ACIN1: variants seen among roughly 807,000 people sequenced by gnomAD.
ACIN1 encodes apoptotic chromatin condensation inducer 1.
A neutral mutation model predicts 146.6 loss-of-function variants in ACIN1; 16 were observed. The observed-to-expected ratio is 0.11, with a 90% CI of 0.07 to 0.17. The LOEUF (loss-of-function observed/expected upper bound fraction) is 0.17, where lower values mean the gene tolerates loss of function less well. Ranked by LOEUF, ACIN1 falls within the 10% of genes least tolerant of loss-of-function variation. The pLI, the probability that ACIN1 is intolerant of heterozygous loss-of-function variation, is 1.00. For missense variants in ACIN1, 1,357 were observed against 1,609.3 expected (o/e 0.84, Z 2.68); for synonymous variants, 569 against 582.7 (o/e 0.98, Z 0.34).
At chr14:23,069,137 G>A in intron 9 of ACIN1, 16 of 1,023,814 alleles carry the variant, frequency 1.6e-5, no homozygotes, top group Non-Finnish European at 1.9e-5. Context: ...GAAAGCTAAA[G>A]GAGTTACCAC....
chr14:23,061,071 G>C lies in ACIN1; in HGVS notation c.3525+13C>G, dbSNP rs373980875. The stretch of plus-strand genomic sequence containing the variant: ...GTGCCACTAGGGAGCAGGGCACGAA[G>C]AAGAGCACTCACCTGGCTGTCAGTC... On this transcript the variant is annotated intron_variant, in intron 18 of 18. Coordinates refer to ENST00000605057, the MANE Select transcript of ACIN1 (RefSeq NM_001386863.1). The C allele has an allele frequency of 3.1e-6, 5 of 1,613,118 alleles. No individual in the cohort carries two copies. In the East Asian group the frequency reaches 1.1e-4, roughly 36 times the overall value.
rs370726371 is a variant in ACIN1, at chr14:23,079,071, T to C, written c.1789-33A>G. The C allele has an allele frequency of 6.3e-5, 100 of 1,589,448 alleles. 1 individual carries two copies. Among genetic ancestry groups the C allele is most frequent in the Middle Eastern group, 1.7e-4 (1 of 5,992 alleles). ...AAAATGAAACACATAACAAGGAAAATTATTGTATATGGTATATATTCAGTA... is the reference window on the plus strand; with the variant it reads ...AAAATGAAACACATAACAAGGAAAACTATTGTATATGGTATATATTCAGTA... On this transcript the variant is annotated intron_variant, in intron 6 of 18. Coordinates refer to ENST00000605057, the MANE Select transcript of ACIN1 (RefSeq NM_001386863.1).
intron 8 of ACIN1, chr14:23,071,436 C>T (rs776933649): frequency 3.9e-5 from 60 of 1,551,664 alleles, no homozygotes; most frequent in Admixed American, 3.1e-4. Context: ...CGGCAAACCC[C>T]GAGTTCGGCT....
rs2140016344 is a variant in ACIN1 at position 23,064,120 on chromosome 14, G to A, written c.2580C>T (p.Cys860=). Residue 860 remains cysteine (C), a synonymous_variant, in exon 12 of 19, where the codon TGC becomes TGT. Transcript: ENST00000605057. ...DGTHDKGLKI[C]RTVTQVVPAE... is the part of the protein sequence containing the mutation. ...GAAGCCTTACCTGAGTGACTGTCCG[G>A]CATATTTTCAGCCCCTTGTCATGGG... 5 of 1,614,040 alleles carry A rather than the reference G, an allele frequency of 3.1e-6. No homozygotes were observed. Among genetic ancestry groups the A allele is most frequent in the Non-Finnish European group, 3.4e-6 (4 of 1,180,032 alleles).
At chr14:23,095,456 A>T (rs1312417394), upstream of ACIN1, 3 of 972,038 alleles carry the variant, frequency 3.1e-6, no homozygotes, top group Non-Finnish European at 4.4e-6. Context: ...CCTAGAGATG[A>T]GGCGCTGGGG....
chr14:23,079,760 TGAG>T lies in ACIN1; in HGVS notation c.1572_1574del (p.Ser531del), dbSNP rs751367387. ...TTGATCTAGAACTGGAGGAGGAAGATGAGGAGGACCGGCTAGAGGATGAATCAG... is the reference window on the plus strand; with the variant it reads ...TTGATCTAGAACTGGAGGAGGAAGATGAGGACCGGCTAGAGGATGAATCAG... On this transcript the variant is annotated inframe_deletion, in exon 6 of 19. Transcript: ENST00000605057. The T allele has an allele frequency of 6.2e-7, 1 of 1,614,148 alleles. No individual in the cohort carries two copies. Among genetic ancestry groups the T allele is most frequent in the South Asian group, 1.1e-5 (1 of 91,078 alleles).
At chr14:23,073,047 G>A (rs994444965) in intron 8 of ACIN1, among the ~76,000 whole-genome samples, 1 of 152,232 alleles carries the variant, frequency 6.6e-6, no homozygotes, top group Non-Finnish European at 1.5e-5. Context: ...TAAAATACAT[G>A]CACACTTAAT....
At chr14:23,084,104 G>A (rs560635845) in intron 4 of ACIN1, among the ~76,000 whole-genome samples, 3 of 151,972 alleles carry the variant, frequency 2.0e-5, no homozygotes, top group African/African-American at 4.8e-5. Context: ...CCGCCACCAC[G>A]CCTGGTTAAC....
In ACIN1 at chr14:23,079,863, T is replaced by C; in HGVS notation, c.1472A>G (p.Gln491Arg). 1.9e-6 allele frequency: 3 copies of C among 1,614,244 alleles called. No homozygotes were observed. Among genetic ancestry groups the C allele is most frequent in the Non-Finnish European group, 2.5e-6 (3 of 1,180,044 alleles). The change falls in exon 6 of 19, where the codon CAG becomes CGG. Residue 491 changes from glutamine (Q) to arginine (R), a missense_variant. This residue lies in a region of ACIN1 where 771 missense variants were observed against 746.6 expected (regional missense o/e 1.03). Coordinates refer to ENST00000605057, the MANE Select transcript of ACIN1 (RefSeq NM_001386863.1). Reference protein sequence around the residue: ...AKGITEECLKQPSLEQKEGRR... With the variant: ...AKGITEECLKRPSLEQKEGRR... Reference sequence around the variant, plus strand: ...GCCTTCCTTCTGTTCCAAAGATGGCTGTTTCAGACATTCTTCAGTGATTCC... The same window carrying C: ...GCCTTCCTTCTGTTCCAAAGATGGCCGTTTCAGACATTCTTCAGTGATTCC...
At chr14:23,078,763 A>C in intron 7 of ACIN1, 57 bp downstream of exon 7, 1 of 1,551,352 alleles carries the variant, frequency 6.4e-7, no homozygotes, top group Non-Finnish European at 8.8e-7. Flanking sequence ...CAAAGACAAG[A>C]GGGAAGATCT....
intron 3 of ACIN1, 76 bp from the exon 4 acceptor site, chr14:23,090,177 G>A: frequency 1.8e-5 from 27 of 1,542,782 alleles, no homozygotes; most frequent in Non-Finnish European, 2.3e-5. Flanking sequence ...AGGAGTGAAG[G>A]AGGTCAGGCA....
rs2047314365 is a variant in ACIN1, at chr14:23,062,289, G to A, written c.2992-14C>T. The A allele has an allele frequency of 1.2e-6, 2 of 1,609,922 alleles. No individual in the cohort carries two copies. The highest frequency in any genetic ancestry group is 1.7e-6 in the Non-Finnish European group (2 of 1,176,422). On this transcript the variant is annotated splice_polypyrimidine_tract_variant and intron_variant, in intron 15 of 18. Transcript: ENST00000605057. ...TACTGTTGAGTACTGGTGGAGGAAG[G>A]GAGAAGATGGAGGGTCACAGTGTGT...
At chr14:23,066,407 C>T (rs142475412) in intron 9 of ACIN1, 1 of 160,258 alleles carries the variant, frequency 6.2e-6, no homozygotes, top group Non-Finnish European at 1.4e-5. Context: ...GTGCCCCAAA[C>T]TGGGTCATCT....
At position 23,079,599 on chromosome 14, in the gene ACIN1, G is replaced by C. The variant is rs987080151; in HGVS notation, c.1736C>G (p.Ser579Cys). 1 of 1,614,156 alleles carries C rather than the reference G, an allele frequency of 6.2e-7. No homozygotes were observed. The highest frequency in any genetic ancestry group is 8.5e-7 in the Non-Finnish European group (1 of 1,180,022). The change falls in exon 6 of 19, where the codon TCC (serine) becomes TGC (cysteine). Residue 579 changes from serine to cysteine, a missense_variant. Ser to Cys is a moderately radical substitution (Grantham distance 112). This residue lies in a region of ACIN1 where 771 missense variants were observed against 746.6 expected (regional missense o/e 1.03). Transcript: ENST00000605057. Reference sequence around the variant, plus strand: ...AGAACGTGAACGTGACCTTGATCTGGACTCTGATGTTGATCTGGAGCCCAT... The same window carrying C: ...AGAACGTGAACGTGACCTTGATCTGCACTCTGATGTTGATCTGGAGCCCAT... ...PKMGSRSTSE[S>C]RSRSRSRSRS...
rs192285519 is a variant in ACIN1, at chr14:23,063,786, T to C, written c.2596-209A>G. 1.4e-3 allele frequency among the ~76,000 whole-genome samples: 220 copies of C among 152,268 alleles called. 1 individual carries two copies. The highest frequency in any genetic ancestry group is 3.3e-3 in the South Asian group (16 of 4,828). On this transcript the variant is annotated intron_variant, in intron 12 of 18. Coordinates refer to ENST00000605057, the MANE Select transcript of ACIN1 (RefSeq NM_001386863.1). ...AAAACTAAGACAGGAGTTAGTAAAT[T>C]TTTTCTGTAGAGCAAAGCAGTACTT...
intron 18 of ACIN1, 40 bp from the exon 19 acceptor site, chr14:23,059,514 T>A: frequency 6.5e-7 from 1 of 1,541,634 alleles, no homozygotes; most frequent in Non-Finnish European, 8.9e-7. Flanking sequence ...GGCAGCTCAG[T>A]CCTGGTCACA....
Position 23,061,098 on chromosome 14 carries a change from G to T in ACIN1, c.3511C>A (p.Leu1171Met). 6.2e-7 allele frequency: 1 copy of T among 1,614,050 alleles called. No individual in the cohort carries two copies. The highest frequency in any genetic ancestry group is 8.5e-7 in the Non-Finnish European group (1 of 1,180,030). The change falls in exon 18 of 19, where the codon CTG (leucine) becomes ATG (methionine). Residue 1171 changes from leucine to methionine, a missense_variant. Leu to Met is a conservative substitution (Grantham distance 15). Around this residue, in one of 4 missense-constraint regions of ACIN1, gnomAD observed 509 missense variants for 719.6 expected, o/e 0.71. Transcript: ENST00000605057. ...AGAGCACTCACCTGGCTGTCAGTCA[G>T]TGGGAGCCAATAGATGCAGGGAGCT... is the stretch of plus-strand genomic sequence containing the variant. ...KAAPCIYWLP[L>M]TDSQIVQKEA...
chr14:23,077,691 T>A (rs2047836219), intron 8 of ACIN1: 1 of 154,272 alleles, frequency 6.5e-6, no homozygotes, highest in African/African-American at 2.4e-5. Flanking sequence ...CTAGCAGAAC[T>A]AGGATAGCTT....
In ACIN1 at chr14:23,067,024, C is replaced by T. The variant is rs1042171654; in HGVS notation, c.2266-1016G>A. ...GTGATGAAATCCCTTTCCCATCCAC[C>T]CCCACCCGCAGCCCCGTTTGTGTCG... On this transcript the variant is annotated intron_variant, in intron 9 of 18. Transcript: ENST00000605057. The surrounding 1 kb of genome is among the most constrained non-coding windows in gnomAD (Gnocchi z 4.6). Among the ~76,000 whole-genome samples, 1 of 151,970 alleles carries T rather than the reference C, an allele frequency of 6.6e-6. No homozygotes were observed. Among genetic ancestry groups the T allele is most frequent in the African/African-American group, 2.4e-5 (1 of 41,380 alleles).
Sources: gnomAD v4.1 joint callset for allele counts (sites outside exome capture counted in the v4.1 genomes callset) on GRCh38, gnomAD v4.1.1 for gene constraint, gnomAD v4.1.1 regional missense constraint, Gnocchi (gnomAD v3.1) non-coding constraint, MANE v1.5 for transcripts, NCBI Gene and HGNC (gene_info 2026-07-23, HGNC 2026-07-21) for gene names.